Variants in CDH19 observed in about 807,000 individuals in gnomAD.
CDH19 encodes cadherin-19.
In CDH19, 67 loss-of-function variants were observed where a neutral mutation model predicts 64.2. The ratio of observed to expected loss-of-function variants is 1.04; its 90% CI spans 0.86 to 1.28. The LOEUF (loss-of-function observed/expected upper bound fraction) is 1.28, where lower values mean the gene tolerates loss of function less well. Ranked by LOEUF, CDH19 falls within the 50% of genes most tolerant of loss-of-function variation. CDH19 has a pLI of 0.00. For missense variants in CDH19, 1,030 were observed against 929.0 expected (o/e 1.11, Z -1.41); for synonymous variants, 346 against 319.3 (o/e 1.08, Z -0.89).
chr18:66,603,310 T>G (rs1989082708), intron 1 of CDH19, among the ~76,000 whole-genome samples: 1 of 151,180 alleles, frequency 6.6e-6, no homozygotes, highest in African/African-American at 2.4e-5. Context: ...TTTTCCTAAT[T>G]TATACTTTTC....
At position 66,509,155 on chromosome 18, in the gene CDH19, T is replaced by G; in HGVS notation, c.1668A>C (p.Gly556=). The change falls in exon 11 of 12, where the codon GGA becomes GGC. Residue 556 remains glycine (G), a synonymous_variant. Transcript: ENST00000262150. ...TGTTTGTACTTGTAAGTGACGGGAT[T>G]CCATTGTCGGCAATTAAGATGGAGA... The part of the protein sequence containing the change: ...FYISILIADN[G]IPSLTSTNTL... 6.2e-7 allele frequency: 1 copy of G among 1,612,960 alleles called. No individual in the cohort carries two copies. The highest frequency in any genetic ancestry group is 1.3e-5 in the African/African-American group (1 of 74,958).
chr18:66,514,154 G>T (rs1252434130), intron 9 of CDH19, among the ~76,000 whole-genome samples: 1 of 151,204 alleles, frequency 6.6e-6, no homozygotes. Flanking sequence ...AAATTGGCTG[G>T]GCCAGAATTA....
chr18:66,542,997 C>T (rs553829873), intron 7 of CDH19, among the ~76,000 whole-genome samples: 1 of 152,264 alleles, frequency 6.6e-6, no homozygotes, highest in East Asian at 1.9e-4. Flanking sequence ...TTTTGAATAT[C>T]ATTTCAAGTA....
intron 5 of CDH19, among the ~76,000 whole-genome samples, chr18:66,549,669 G>A (rs1338937082): frequency 6.6e-6 from 1 of 152,056 alleles, no homozygotes; most frequent in East Asian, 1.9e-4. Context: ...GTGAGATAGA[G>A]CAGAAATTAA....
At chr18:66,557,222 G>C (rs1338134038) in intron 3 of CDH19, among the ~76,000 whole-genome samples, 2 of 151,800 alleles carry the variant, frequency 1.3e-5, no homozygotes, top group East Asian at 3.9e-4. Context: ...ACACACACCT[G>C]GATTATTGTG....
intron 1 of CDH19, among the ~76,000 whole-genome samples, chr18:66,586,949 ATTAG>A (rs983824118): frequency 1.1e-4 from 16 of 151,970 alleles, no homozygotes; most frequent in Non-Finnish European, 1.6e-4. Context: ...TTTTAATTTT[ATTAG>A]TTAGTTACAA....
At chr18:66,531,175 CA>C (rs1179207435) in intron 8 of CDH19, among the ~76,000 whole-genome samples, 4 of 152,054 alleles carry the variant, frequency 2.6e-5, no homozygotes, top group Non-Finnish European at 5.9e-5. Flanking sequence ...TCTAAGGTAT[CA>C]GTATTTGAGT....
At chr18:66,590,559 G>T in intron 1 of CDH19, among the ~76,000 whole-genome samples, 1 of 151,052 alleles carries the variant, frequency 6.6e-6, no homozygotes. Flanking sequence ...TGTAGAAGTT[G>T]GTTAACACTT....
rs1055335 is a variant in CDH19 at position 66,509,128 on chromosome 18, G to T, written c.1695C>A (p.Thr565=). The change falls in exon 11 of 12, where the codon ACC becomes ACA. Residue 565 remains threonine, a synonymous_variant. Coordinates refer to ENST00000262150, the MANE Select transcript of CDH19 (RefSeq NM_021153.4). The part of the protein sequence containing the change: ...NGIPSLTSTN[T]LTIHVCDCGD... ...CACAGTCACAGACATGGATGGTAAG[G>T]GTGTTTGTACTTGTAAGTGACGGGA... is the stretch of plus-strand genomic sequence containing the variant. 0.35 allele frequency: 570,285 copies of T among 1,612,160 alleles called. 104,647 individuals are homozygous for T. The highest frequency in any genetic ancestry group is 0.4 in the South Asian group (36,027 of 91,048).
chr18:66,527,853 A>AT (rs140251049), intron 9 of CDH19, among the ~76,000 whole-genome samples: 24 of 151,532 alleles, frequency 1.6e-4, no homozygotes, highest in Non-Finnish European at 3.1e-4. Context: ...AATTAAACCT[A>AT]TTTTTTTTAG....
chr18:66,581,578 G>C lies in CDH19; in HGVS notation c.-112-9262C>G, dbSNP rs115554273. Among the ~76,000 whole-genome samples the C allele has an allele frequency of 1.9e-3, 282 of 152,228 alleles. 3 individuals carry two copies. The highest frequency in any genetic ancestry group is 6.3e-3 in the African/African-American group (260 of 41,564). ...AGAAGGTGGGAGAAACTGGCTTGCT[G>C]AGTCTTCTGGCTTTCATCTTCCTCC... On this transcript the variant is annotated intron_variant, in intron 1 of 11. Transcript: ENST00000262150.
At chr18:66,578,542 T>G (rs1988333178) in intron 1 of CDH19, among the ~76,000 whole-genome samples, 1 of 151,910 alleles carries the variant, frequency 6.6e-6, no homozygotes, top group African/African-American at 2.4e-5. Flanking sequence ...TAAAATCGCA[T>G]GACTATTTAG....
chr18:66,579,885 G>C lies in CDH19; in HGVS notation c.-112-7569C>G, dbSNP rs186233155. Among the ~76,000 whole-genome samples, 283 of 151,880 alleles carry C rather than the reference G, an allele frequency of 1.9e-3. 3 individuals carry two copies. The highest frequency in any genetic ancestry group is 1.2e-3 in the East Asian group (6 of 5,158). On this transcript the variant is annotated intron_variant, in intron 1 of 11. Transcript: ENST00000262150. ...ATAAAAACACGCCCTATTTTTAGTC[G>C]TGTATACTTGAAGCATATTGGTATT... is the stretch of plus-strand genomic sequence containing the variant.
intron 5 of CDH19, 47 bp downstream of exon 5, chr18:66,551,047 C>T: frequency 9.7e-7 from 1 of 1,027,866 alleles, no homozygotes; most frequent in Non-Finnish European, 1.5e-6. Flanking sequence ...ATATTTAACA[C>T]ACTCATATTT....
At chr18:66,578,930 TA>T (rs1375659612) in intron 1 of CDH19, among the ~76,000 whole-genome samples, 2 of 151,994 alleles carry the variant, frequency 1.3e-5, no homozygotes, top group African/African-American at 4.8e-5. Flanking sequence ...TTAGAAAATT[TA>T]AAACAATCAT....
At chr18:66,540,075 C>T (rs1018962364) in intron 7 of CDH19, among the ~76,000 whole-genome samples, 2 of 147,822 alleles carry the variant, frequency 1.4e-5, no homozygotes, top group African/African-American at 2.4e-5. Context: ...TTTTTGTCTT[C>T]TCTCTCTCTC....
chr18:66,563,156 T>C (rs1255106255), intron 3 of CDH19, among the ~76,000 whole-genome samples: 19 of 151,986 alleles, frequency 1.3e-4, no homozygotes, highest in Non-Finnish European at 2.5e-4. Context: ...ATGTAAGCAA[T>C]AGAGAAATTA....
chr18:66,572,888 C>CT (rs1356851219), intron 1 of CDH19, among the ~76,000 whole-genome samples: 2 of 151,600 alleles, frequency 1.3e-5, no homozygotes, highest in Admixed American at 1.3e-4. Flanking sequence ...GATATTTACT[C>CT]TTTTTTAATT....
rs1237948635 is a variant in CDH19 at position 66,546,955 on chromosome 18, T to C, written c.776-2052A>G. ...GACAATGGCAGATTACTTCAGACCA[T>C]TAGGACTATTTAGGTGATACTAAAC... On this transcript the variant is annotated intron_variant, in intron 5 of 11. Coordinates refer to ENST00000262150, the MANE Select transcript of CDH19 (RefSeq NM_021153.4). Among the ~76,000 whole-genome samples the C allele has an allele frequency of 2.0e-5, 3 of 152,082 alleles. No individual in the cohort carries two copies. In the East Asian group the frequency reaches 5.8e-4, roughly 29 times the overall value.
Sources: gnomAD v4.1 joint callset for allele counts (sites outside exome capture counted in the v4.1 genomes callset) on GRCh38, gnomAD v4.1.1 for gene constraint, MANE v1.5 for transcripts, NCBI Gene and HGNC (gene_info 2026-07-23, HGNC 2026-07-21) for gene names.